The following CSMD1 variants were observed in gnomAD, a reference collection of about 807,000 sequenced individuals.
The protein encoded by CSMD1 is CUB and Sushi multiple domains 1.
A neutral mutation model predicts 417.5 loss-of-function variants in CSMD1; 213 were observed. The ratio of observed to expected loss-of-function variants is 0.51; its 90% CI spans 0.46 to 0.57. The LOEUF is 0.57. Among genes scored for constraint, CSMD1 ranks in the 20% least tolerant of loss-of-function variants. The pLI is 0.00. For synonymous variants in CSMD1, 2,862 were observed against 1,736.8 expected (o/e 1.65, Z -16.11); for missense variants, 6,923 against 4,529.7 (o/e 1.53, Z -15.17).
intron 3 of CSMD1, among the ~76,000 whole-genome samples, chr8:4,323,753 TC>T (rs5889033): frequency 0.38 from 58,441 of 151,902 alleles, 12,962 homozygotes; most frequent in East Asian, 0.68. Context: ...CACTCAAATA[TC>T]CCCCCCTTCC....
rs934004611 is a variant in CSMD1, at chr8:3,975,979, C to G, written c.818+21924G>C. On this transcript the variant is annotated intron_variant, in intron 5 of 69. Transcript: ENST00000635120. ...TTTAACATTAAAATCAGTTTTTAAT[C>G]TATCAGTTTTTAACATTTAAAATAT... Among the ~76,000 whole-genome samples, 3 of 151,884 alleles carry G rather than the reference C, an allele frequency of 2.0e-5. No homozygotes were observed. In the East Asian group the frequency reaches 5.8e-4, roughly 29 times the overall value.
At chr8:3,263,638 A>T (rs950933293) in intron 26 of CSMD1, among the ~76,000 whole-genome samples, 2 of 151,790 alleles carry the variant, frequency 1.3e-5, no homozygotes, top group African/African-American at 4.9e-5. Flanking sequence ...GATTGATAAC[A>T]TATAGTTACC....
intron 6 of CSMD1, among the ~76,000 whole-genome samples, chr8:3,735,926 G>T (rs6558818): frequency 0.13 from 20,200 of 152,008 alleles, 1,486 homozygotes; most frequent in African/African-American, 0.19. Flanking sequence ...GCCTCCTAAA[G>T]CTTTCTTGCT....
intron 5 of CSMD1, 48 bp downstream of exon 5, chr8:3,997,855 G>A (rs769526977): frequency 2.6e-6 from 4 of 1,519,460 alleles, no homozygotes; most frequent in African/African-American, 2.7e-5. Flanking sequence ...GGGAAAAAAC[G>A]GGGAAAACAC....
In CSMD1 at chr8:3,832,915, G is replaced by C. The variant is rs555601771; in HGVS notation, c.819-78873C>G. On this transcript the variant is annotated intron_variant, in intron 5 of 69. Coordinates refer to ENST00000635120, the MANE Select transcript of CSMD1 (RefSeq NM_033225.6). ...TATTGCATAAGCAACACAAATAGGAGTACGTTTCCTTCAATAAAATTATTA... is the reference window on the plus strand; with the variant it reads ...TATTGCATAAGCAACACAAATAGGACTACGTTTCCTTCAATAAAATTATTA... Among the ~76,000 whole-genome samples the C allele has an allele frequency of 3.3e-5, 5 of 152,228 alleles. No individual in the cohort carries two copies. The East Asian group carries it at 5.8e-4, about 18-fold the overall frequency.
intron 1 of CSMD1, among the ~76,000 whole-genome samples, chr8:4,730,439 G>C (rs1035628205): frequency 2.4e-4 from 37 of 152,192 alleles, no homozygotes; most frequent in East Asian, 1.9e-3. Flanking sequence ...AGAATAATCA[G>C]ATTTAAGAAT....
chr8:3,752,183 G>A (rs774890815), intron 6 of CSMD1, among the ~76,000 whole-genome samples: 1 of 152,126 alleles, frequency 6.6e-6, no homozygotes, highest in Non-Finnish European at 1.5e-5. Flanking sequence ...GGCAGATATG[G>A]GGAGGTATGG....
intron 10 of CSMD1, among the ~76,000 whole-genome samples, chr8:3,561,199 G>A (rs952196460): frequency 3.0e-4 from 46 of 152,306 alleles, no homozygotes; most frequent in African/African-American, 1.1e-3. Context: ...ATGTAAATGA[G>A]TAAGCCTCTA....
chr8:4,093,171 A>G (rs1453579441), intron 3 of CSMD1, among the ~76,000 whole-genome samples: 1 of 152,240 alleles, frequency 6.6e-6, no homozygotes, highest in Non-Finnish European at 1.5e-5. Flanking sequence ...GTTTACAGTA[A>G]CAAGTAAACA....
chr8:4,186,187 C>G (rs761790053), intron 3 of CSMD1, among the ~76,000 whole-genome samples: 1 of 152,082 alleles, frequency 6.6e-6, no homozygotes. Context: ...CCTGAATGTT[C>G]CAGAGAACAT....
chr8:2,996,028 T>G (rs1337929726), intron 54 of CSMD1, among the ~76,000 whole-genome samples: 1 of 152,158 alleles, frequency 6.6e-6, no homozygotes. Context: ...TTTGCAAGAT[T>G]CTACCACTGG....
At chr8:4,551,061 A>G (rs1239603635) in intron 2 of CSMD1, among the ~76,000 whole-genome samples, 1 of 152,156 alleles carries the variant, frequency 6.6e-6, no homozygotes, top group African/African-American at 2.4e-5. Context: ...AATTCTCAAA[A>G]CTAGATTCAC....
chr8:4,173,029 C>T (rs1224668826), intron 3 of CSMD1, among the ~76,000 whole-genome samples: 1 of 152,034 alleles, frequency 6.6e-6, no homozygotes, highest in African/African-American at 2.4e-5. Context: ...GTATTTTAGC[C>T]CCTAATATTG....
At chr8:4,639,445 T>A (rs867212299) in intron 1 of CSMD1, among the ~76,000 whole-genome samples, 21 of 152,146 alleles carry the variant, frequency 1.4e-4, no homozygotes, top group African/African-American at 4.3e-4. Flanking sequence ...GGGAATAGGA[T>A]AACCCACTCA....
intron 1 of CSMD1, among the ~76,000 whole-genome samples, chr8:4,663,504 C>A (rs1209500939): frequency 1.3e-5 from 2 of 152,190 alleles, no homozygotes; most frequent in South Asian, 2.1e-4. Context: ...CACAGATATT[C>A]CCCTTGCTGT....
chr8:4,612,965 A>C (rs1332781967), intron 2 of CSMD1, among the ~76,000 whole-genome samples: 5 of 152,132 alleles, frequency 3.3e-5, no homozygotes, highest in African/African-American at 1.2e-4. Context: ...CAGGGACTAG[A>C]GATATAACAG....
chr8:3,617,331 G>C (rs1802191310), intron 7 of CSMD1, among the ~76,000 whole-genome samples: 1 of 152,106 alleles, frequency 6.6e-6, no homozygotes, highest in South Asian at 2.1e-4. Flanking sequence ...CGAATTTCAT[G>C]GAAAAACTTT....
chr8:4,312,066 A>G (rs1360488275), intron 3 of CSMD1, among the ~76,000 whole-genome samples: 1 of 152,146 alleles, frequency 6.6e-6, no homozygotes, highest in East Asian at 1.9e-4. Flanking sequence ...TAGTAAAGAA[A>G]TACGTAGAAT....
chr8:4,620,083 A>T (rs1025719607), intron 2 of CSMD1, among the ~76,000 whole-genome samples: 2 of 152,036 alleles, frequency 1.3e-5, no homozygotes, highest in African/African-American at 4.8e-5. Context: ...AAATACTGCT[A>T]TAATACTCAC....
Sources: allele counts gnomAD v4.1 joint callset (sites outside exome capture counted in the v4.1 genomes callset), GRCh38; gene constraint gnomAD v4.1.1; transcripts MANE v1.5; gene names NCBI Gene and HGNC (gene_info 2026-07-23, HGNC 2026-07-21).